Variants in PLEK2 observed in about 807,000 individuals in gnomAD.
The protein encoded by PLEK2 is pleckstrin 2, also known as pleckstrin-2.
PLEK2 carries 29 observed loss-of-function variants against 43.8 expected under a neutral mutation model. The observed-to-expected ratio is 0.66, with a 90% CI of 0.49 to 0.90. PLEK2 has a LOEUF of 0.90. Among genes scored for constraint, PLEK2 ranks in the 40% least tolerant of loss-of-function variants. The probability of loss-of-function intolerance (pLI) is 0.00; values close to 1 mark genes in which losing one functional copy is unlikely to be tolerated. For synonymous variants in PLEK2, 162 were observed against 173.2 expected (o/e 0.94, Z 0.51); for missense variants, 398 against 448.1 (o/e 0.89, Z 1.01).
chr14:67,404,059 T>C (rs1360954046), intron 1 of PLEK2, among the ~76,000 whole-genome samples: 2 of 151,146 alleles, frequency 1.3e-5, no homozygotes, highest in Non-Finnish European at 3.0e-5. Flanking sequence ...AAAAAAATTT[T>C]TGAAAGAAAA....
At chr14:67,406,426 T>G (rs1189970851) in intron 1 of PLEK2, among the ~76,000 whole-genome samples, 1 of 151,510 alleles carries the variant, frequency 6.6e-6, no homozygotes, top group Non-Finnish European at 1.5e-5. Context: ...TTGTGTGGAG[T>G]TAGGCAGGTC....
At chr14:67,395,970 G>A (rs1039856541) in intron 2 of PLEK2, among the ~76,000 whole-genome samples, 1 of 152,022 alleles carries the variant, frequency 6.6e-6, no homozygotes, top group Non-Finnish European at 1.5e-5. Context: ...ACTTGGCTGT[G>A]GACTCCCGGG....
At chr14:67,397,523 G>A in intron 2 of PLEK2, 139 bp downstream of exon 2, 1 of 661,102 alleles carries the variant, frequency 1.5e-6, no homozygotes, top group Admixed American at 3.2e-5. Flanking sequence ...CCTGGTATGT[G>A]GCGGAGCCAG....
At chr14:67,407,871 G>A (rs981510278) in intron 1 of PLEK2, among the ~76,000 whole-genome samples, 1 of 152,180 alleles carries the variant, frequency 6.6e-6, no homozygotes, top group Admixed American at 6.5e-5. Context: ...TACTTGGGAG[G>A]CTGAGCCAGG....
rs769415033 is a variant in PLEK2, at chr14:67,395,518, C to T, written c.273G>A (p.Glu91=). 6.2e-7 allele frequency: 1 copy of T among 1,614,148 alleles called. No individual in the cohort carries two copies. The highest frequency in any genetic ancestry group is 8.5e-7 in the Non-Finnish European group (1 of 1,179,976). Reference sequence around the variant, plus strand: ...TGATCTCAAAGGCCCAGGCATCCCGCTCCTCTCGAGAACAGGCCTCCAGGA... The same window carrying T: ...TGATCTCAAAGGCCCAGGCATCCCGTTCCTCTCGAGAACAGGCCTCCAGGA... ...EYFLEACSRE[E]RDAWAFEITG... is the part of the protein sequence containing the mutation. The change falls in exon 3 of 9, where the codon GAG becomes GAA. Residue 91 remains glutamate, a synonymous_variant. Coordinates refer to ENST00000216446, the MANE Select transcript of PLEK2 (RefSeq NM_016445.3).
At chr14:67,390,393 C>CA (rs1296723037) in intron 7 of PLEK2, among the ~76,000 whole-genome samples, 2 of 152,136 alleles carry the variant, frequency 1.3e-5, no homozygotes, top group South Asian at 4.1e-4. Context: ...TGGGGAAGAC[C>CA]AAAAGATGCT....
chr14:67,388,004 G>T (rs1279088643), intron 8 of PLEK2, among the ~76,000 whole-genome samples: 1 of 151,986 alleles, frequency 6.6e-6, no homozygotes, highest in African/African-American at 2.4e-5. Flanking sequence ...GAAACTGAGG[G>T]GAAAGATTAT....
Position 67,392,928 on chromosome 14 carries a change from C to G in PLEK2, c.482-79G>C, listed in dbSNP as rs558366442. On this transcript the variant is annotated intron_variant, in intron 4 of 8. Transcript: ENST00000216446. ...GTGTGTGGCCAATGACCTCACTGAC[C>G]TTGGCCCTCTGGGCAGCCTCAGGGC... 2.9e-4 allele frequency: 361 copies of G among 1,239,834 alleles called. 1 individual carries two copies. The highest frequency in any genetic ancestry group is 2.6e-4 in the Admixed American group (12 of 45,656). The allele number at this position is 1,239,834 out of a possible 1,614,324, so 76.8% of individuals were successfully genotyped here. A position where few individuals can be genotyped will look rare whatever the true frequency, so the allele number is the denominator to read the frequency against.
At chr14:67,392,544 T>A (rs1452096188) in intron 5 of PLEK2, 117 bp from the exon 6 acceptor site, 3 of 1,208,398 alleles carry the variant, frequency 2.5e-6, no homozygotes, top group Non-Finnish European at 3.7e-6. Context: ...TGCATCAGGA[T>A]GAAGTCGTCC....
In PLEK2 at chr14:67,387,424, T is replaced by C; in HGVS notation, c.967A>G (p.Lys323Glu). The part of the protein sequence containing the change: ...VKGNVQGNLF[K>E]VITKDDTHYY... ...TGTGTGTCATCCTTAGTAATCACTT[T>C]GAAGAGGTTTCCCTGGACATTCCCT... The change falls in exon 9 of 9, where the codon AAA becomes GAA. Residue 323 changes from lysine to glutamate, a missense_variant. Physicochemically the swap from Lys to Glu is moderately conservative, Grantham distance 56. Transcript: ENST00000216446. 1 of 1,610,140 alleles carries C rather than the reference T, an allele frequency of 6.2e-7. No individual in the cohort carries two copies. The highest frequency in any genetic ancestry group is 1.1e-5 in the South Asian group (1 of 90,166).
Position 67,397,645 on chromosome 14 carries a change from C to T in PLEK2, c.207+17G>A. 3 of 1,600,800 alleles carry T rather than the reference C, an allele frequency of 1.9e-6. No homozygotes were observed. The highest frequency in any genetic ancestry group is 2.6e-6 in the Non-Finnish European group (3 of 1,172,586). On this transcript the variant is annotated intron_variant, in intron 2 of 8. Coordinates refer to ENST00000216446, the MANE Select transcript of PLEK2 (RefSeq NM_016445.3). ...TGTGGAACAGAGAGGAGCTGGACAG[C>T]AGGGGCCATCACTTACCGGTCGGTT...
intron 1 of PLEK2, among the ~76,000 whole-genome samples, chr14:67,408,384 A>T (rs1355423182): frequency 1.3e-5 from 2 of 151,856 alleles, no homozygotes; most frequent in African/African-American, 2.4e-5. Context: ...ATGGGATGAT[A>T]CTTGCTATGG....
At chr14:67,391,484 C>A (rs1312563224) in intron 6 of PLEK2, among the ~76,000 whole-genome samples, 2 of 151,908 alleles carry the variant, frequency 1.3e-5, no homozygotes, top group Non-Finnish European at 2.9e-5. Context: ...TTGGTGTAGA[C>A]AGGCAGCAGT....
intron 1 of PLEK2, among the ~76,000 whole-genome samples, chr14:67,401,787 T>C (rs1478212553): frequency 6.6e-6 from 1 of 151,992 alleles, no homozygotes; most frequent in Non-Finnish European, 1.5e-5. Flanking sequence ...AGGAGACTAG[T>C]GATATAAGAG....
chr14:67,397,852 G>T, intron 1 of PLEK2, 26 bp from the exon 2 acceptor site: 1 of 1,586,306 alleles, frequency 6.3e-7, no homozygotes, highest in Non-Finnish European at 8.6e-7. Flanking sequence ...AAAGCCCTGA[G>T]GTGAGGCGGT....
intron 3 of PLEK2, among the ~76,000 whole-genome samples, chr14:67,393,804 TCACCCCTCATAAAG>T (rs1595656322): frequency 1.3e-5 from 2 of 152,122 alleles, no homozygotes; most frequent in Non-Finnish European, 2.9e-5. Context: ...ATAGCACGGC[TCACCCCTCATAAAG>T]ATGTTTATCT....
Position 67,390,738 on chromosome 14 carries a change from CTT to C in PLEK2, c.778_779del (p.Lys260GlufsTer22), listed in dbSNP as rs1034929728. ...AGCGACGCACCTTCCAGTTTTTCCT[CTT>C]GTGTCCCTGAGGCAAAGAAATGGTT... Reference protein sequence around the residue: ...KQGYLAKQGHKRKNWKVRRFV... With the variant: ...KQGYLAKQGHXRKNWKVRRFV... On this transcript the variant is annotated frameshift_variant, in exon 7 of 9. Coordinates refer to ENST00000216446, the MANE Select transcript of PLEK2 (RefSeq NM_016445.3). LOFTEE classifies it high-confidence loss of function. 4 of 1,611,604 alleles carry C rather than the reference CTT, an allele frequency of 2.5e-6. No homozygotes were observed. The highest frequency in any genetic ancestry group is 1.1e-5 in the South Asian group (1 of 91,028).
intron 1 of PLEK2, among the ~76,000 whole-genome samples, chr14:67,403,510 G>A (rs1056685274): frequency 5.3e-5 from 8 of 152,156 alleles, no homozygotes; most frequent in African/African-American, 1.7e-4. Context: ...TCTCTGTCCT[G>A]TCAAATATTC....
intron 5 of PLEK2, 46 bp downstream of exon 5, chr14:67,392,616 C>T: frequency 1.3e-6 from 2 of 1,554,370 alleles, no homozygotes; most frequent in Middle Eastern, 1.7e-4. Context: ...TTGTGTCTTC[C>T]TTAACTTTTG....
Sources: allele counts gnomAD v4.1 joint callset (sites outside exome capture counted in the v4.1 genomes callset), GRCh38; gene constraint gnomAD v4.1.1; transcripts MANE v1.5; gene names NCBI Gene and HGNC (gene_info 2026-07-23, HGNC 2026-07-21).